The following SRPX2 variants were observed in gnomAD, a reference collection of about 807,000 sequenced individuals.
SRPX2 encodes the protein sushi repeat containing protein X-linked 2.
Under a neutral mutation model 45.3 loss-of-function variants are expected in SRPX2, and 26 were observed. The observed-to-expected ratio is 0.57, with a 90% CI of 0.42 to 0.80. SRPX2 has a LOEUF of 0.80. Among genes scored for constraint, SRPX2 ranks in the 30% least tolerant of loss-of-function variants. The pLI, the probability that SRPX2 is intolerant of heterozygous loss-of-function variation, is 0.00. For missense variants in SRPX2, 355 were observed against 399.8 expected (o/e 0.89, Z 0.95); for synonymous variants, 125 against 143.7 (o/e 0.87, Z 0.93).
At chrX:100,669,411 T>A in intron 10 of SRPX2, 42 bp downstream of exon 10, 1 of 16,855 alleles carries the variant, frequency 5.9e-5, no homozygotes, top group Non-Finnish European at 1.2e-4. Flanking sequence ...GAGGGGGGGC[T>A]GGGGCGGGGG....
In SRPX2 at chrX:100,646,358, TC is replaced by T. The variant is rs1416443788; in HGVS notation, c.37del (p.Leu13CysfsTer5). On this transcript the variant is annotated frameshift_variant, in exon 2 of 11. Transcript: ENST00000373004. LOFTEE classifies it high-confidence loss of function. Reference protein sequence around the residue: ...SQLTQRGALFLLFFLTPAVTP... With the variant: ...SQLTQRGALFXLFFLTPAVTP... ...AGCTAACTCAAAGAGGAGCTCTCTT[TC>T]TGCTGTTCTTCCTAACTCCGGCAGT... 3 of 1,211,506 alleles carry T rather than the reference TC, an allele frequency of 2.5e-6. No individual in the cohort carries two copies. The Admixed American group carries it at 6.5e-5, about 26-fold the overall frequency.
At position 100,665,295 on chromosome X, in the gene SRPX2, G is replaced by A. The variant is rs760871060; in HGVS notation, c.585G>A (p.Glu195=). 1 of 1,208,803 alleles carries A rather than the reference G, an allele frequency of 8.3e-7. No homozygotes were observed. The highest frequency in any genetic ancestry group is 1.1e-6 in the Non-Finnish European group (1 of 894,573). The part of the protein sequence containing the change: ...RCPHSREKMA[E]PEKLTARVYW... Reference sequence around the variant, plus strand: ...CCCACTCACGTGAGAAGATGGCAGAGCCAGAGAAATTGACTGCTCGAGTAT... The same window carrying A: ...CCCACTCACGTGAGAAGATGGCAGAACCAGAGAAATTGACTGCTCGAGTAT... The change falls in exon 6 of 11, where the codon GAG becomes GAA. Residue 195 remains glutamate, a synonymous_variant. Transcript: ENST00000373004.
At chrX:100,644,989 A>G (rs769919993) in intron 1 of SRPX2, among the ~76,000 whole-genome samples, 6 of 110,289 alleles carry the variant, frequency 5.4e-5, no homozygotes, top group Non-Finnish European at 9.5e-5. Context: ...GCTCTGTCAG[A>G]TTTTCTTTCC....
chrX:100,661,943 T>G (rs1226059131), intron 3 of SRPX2, among the ~76,000 whole-genome samples: 7 of 100,167 alleles, frequency 7.0e-5, no homozygotes, highest in African/African-American at 1.1e-4. Context: ...GTTTTTTTTT[T>G]TTTTTTTTTT....
At chrX:100,649,488 A>G (rs1467533580) in intron 2 of SRPX2, 1 of 110,972 alleles carries the variant, frequency 9.0e-6, no homozygotes, top group Non-Finnish European at 1.9e-5. Flanking sequence ...AACAGAAAAA[A>G]AGAAAAAGGG....
At chrX:100,667,139 G>A (rs918278890) in intron 8 of SRPX2, 135 bp from the exon 9 acceptor site, 1 of 1,069,453 alleles carries the variant, frequency 9.4e-7, no homozygotes, top group East Asian at 3.1e-5. Context: ...GTTCTTTTAG[G>A]ATTTCCCCCA....
At chrX:100,669,395 TGGGGGGAG>T in intron 10 of SRPX2, 26 bp downstream of exon 10, 6 of 37,233 alleles carry the variant, frequency 1.6e-4, no homozygotes, top group Non-Finnish European at 2.5e-4. Flanking sequence ...CTGCCAAACT[TGGGGGGAG>T]GGGGGGCTGG....
chrX:100,666,456 A>G (rs1277084566), intron 7 of SRPX2, among the ~76,000 whole-genome samples: 1 of 112,696 alleles, frequency 8.9e-6, no homozygotes, highest in Non-Finnish European at 1.9e-5. Flanking sequence ...TTTACACAGC[A>G]TGTCCATAAA....
intron 1 of SRPX2, 92 bp from the exon 2 acceptor site, chrX:100,646,099 CAG>C: frequency 4.8e-6 from 2 of 418,137 alleles, no homozygotes. Flanking sequence ...AAATAACAAA[CAG>C]AGTCTTGTTA....
intron 2 of SRPX2, among the ~76,000 whole-genome samples, chrX:100,646,776 C>G (rs2083136857): frequency 9.0e-6 from 1 of 111,445 alleles, no homozygotes; most frequent in Non-Finnish European, 1.9e-5. Flanking sequence ...ATACTCTTGT[C>G]AAGACCACAA....
At chrX:100,658,659 T>C (rs1309525353) in intron 3 of SRPX2, among the ~76,000 whole-genome samples, 1 of 112,148 alleles carries the variant, frequency 8.9e-6, no homozygotes, top group Non-Finnish European at 1.9e-5. Flanking sequence ...GATGTTGGTA[T>C]TTTGATAGAA....
chrX:100,665,039 G>A (rs146080754), intron 5 of SRPX2, 89 bp downstream of exon 5: 2 of 1,114,283 alleles, frequency 1.8e-6, no homozygotes, highest in East Asian at 6.2e-5. Context: ...ACCACAGAAG[G>A]CATTCCTCTT....
intron 1 of SRPX2, 93 bp downstream of exon 1, chrX:100,644,608 G>C (rs1047817421): frequency 2.7e-5 from 3 of 111,601 alleles, no homozygotes; most frequent in African/African-American, 9.8e-5. Context: ...AACATGGCTG[G>C]GGGTGGAGGT....
rs1261547200 is a variant in SRPX2, at chrX:100,671,181, G to A, written c.*194G>A. 4.0e-6 allele frequency: 2 copies of A among 494,967 alleles called. No homozygotes were observed. Among genetic ancestry groups the A allele is most frequent in the Non-Finnish European group, 6.9e-6 (2 of 289,298 alleles). 40.8% of individuals were successfully genotyped at this position (494,967 alleles called of 1,213,427 possible). On this transcript the variant is annotated 3_prime_UTR_variant, in exon 11 of 11. Coordinates refer to ENST00000373004, the MANE Select transcript of SRPX2 (RefSeq NM_014467.3). ...AATAGTTTCCCTAGAAGCTAGGTAGGGACTGAGGACAGGCCTTGGGCAGTG... is the reference window on the plus strand; with the variant it reads ...AATAGTTTCCCTAGAAGCTAGGTAGAGACTGAGGACAGGCCTTGGGCAGTG...
chrX:100,665,602 T>G lies in SRPX2; in HGVS notation c.726T>G (p.Thr242=). ...FPEGEHVIRY[T]AYDRAYNRAS... is the part of the protein sequence containing the mutation. ...AAGGAGAGCATGTGATTCGTTACACTGCCTATGACCGAGCCTACAACCGGG... is the reference window on the plus strand; with the variant it reads ...AAGGAGAGCATGTGATTCGTTACACGGCCTATGACCGAGCCTACAACCGGG... Residue 242 remains threonine (T), a synonymous_variant, in exon 7 of 11, where the codon ACT becomes ACG. Coordinates refer to ENST00000373004, the MANE Select transcript of SRPX2 (RefSeq NM_014467.3). 1 of 1,212,053 alleles carries G rather than the reference T, an allele frequency of 8.3e-7. No individual in the cohort carries two copies. The highest frequency in any genetic ancestry group is 1.1e-6 in the Non-Finnish European group (1 of 895,555).
rs766629270 is a variant in SRPX2 at position 100,653,167 on chromosome X, T to A, written c.163+2302T>A. On this transcript the variant is annotated intron_variant, in intron 3 of 10. Coordinates refer to ENST00000373004, the MANE Select transcript of SRPX2 (RefSeq NM_014467.3). ...ATCTGAACTTGGGTCAACCCTGACC[T>A]GTCTCCTGAGCTGGTGGACTACATC... Among the ~76,000 whole-genome samples, 9 of 111,537 alleles carry A rather than the reference T, an allele frequency of 8.1e-5. No homozygotes were observed. The South Asian group carries it at 2.7e-3, about 34-fold the overall frequency.
At chrX:100,648,174 T>C (rs2083141121) in intron 2 of SRPX2, among the ~76,000 whole-genome samples, 1 of 112,277 alleles carries the variant, frequency 8.9e-6, no homozygotes, top group South Asian at 3.7e-4. Context: ...CTGGGAAAAG[T>C]TAAGAATATA....
chrX:100,654,337 C>A (rs957327302), intron 3 of SRPX2, among the ~76,000 whole-genome samples: 2 of 111,078 alleles, frequency 1.8e-5, no homozygotes, highest in Non-Finnish European at 3.8e-5. Flanking sequence ...AAAAGTACAA[C>A]CTGAGGCCCC....
intron 9 of SRPX2, among the ~76,000 whole-genome samples, chrX:100,668,234 C>T (rs1180727952): frequency 2.9e-5 from 3 of 103,953 alleles, no homozygotes; most frequent in South Asian, 9.0e-4. Flanking sequence ...TGGATACCCA[C>T]GTGGGAGAAA....
Sources: allele counts gnomAD v4.1 joint callset (sites outside exome capture counted in the v4.1 genomes callset), GRCh38; gene constraint gnomAD v4.1.1; transcripts MANE v1.5; gene names NCBI Gene and HGNC (gene_info 2026-07-23, HGNC 2026-07-21).